Variants in TEX15 observed in about 807,000 individuals in gnomAD.
TEX15 encodes the protein testis-expressed protein 15.
A neutral mutation model predicts 237.3 loss-of-function variants in TEX15; 171 were observed. That is an observed-to-expected ratio of 0.72 (90% CI 0.64 to 0.82). The LOEUF (loss-of-function observed/expected upper bound fraction) is 0.82, where lower values mean the gene tolerates loss of function less well. Among genes scored for constraint, TEX15 ranks in the 40% least tolerant of loss-of-function variants. TEX15 has a pLI of 0.00. For missense variants in TEX15, 3,750 were observed against 3,646.5 expected, an observed-to-expected ratio of 1.03 and a Z score of -0.73; for synonymous variants, 1,338 against 1,269.8, an observed-to-expected ratio of 1.05 and a Z score of -1.14.
intron 7 of TEX15, among the ~76,000 whole-genome samples, chr8:30,852,729 A>C (rs1230664887): frequency 6.6e-6 from 1 of 152,130 alleles, no homozygotes; most frequent in Non-Finnish European, 1.5e-5. Flanking sequence ...AGTAAGAAAA[A>C]ACCCCCAACA....
Position 30,849,150 on chromosome 8 carries a change from A to C in TEX15, c.1017T>G (p.Ile339Met). The change falls in exon 8 of 11, where the codon ATT (isoleucine) becomes ATG (methionine). Residue 339 changes from isoleucine (I) to methionine (M), a missense_variant. Coordinates refer to ENST00000643185, the MANE Select transcript of TEX15 (RefSeq NM_001350162.2). ...TTTGTACATTTCCATAGGAGTTAGA[A>C]ATATTTGAGATGAAAGGATTTATCT... ...NSEINPFISN[I>M]SNSYGNVQNG... 1 of 1,564,300 alleles carries C rather than the reference A, an allele frequency of 6.4e-7. No homozygotes were observed. The highest frequency in any genetic ancestry group is 1.2e-5 in the South Asian group (1 of 86,910).
intron 9 of TEX15, among the ~76,000 whole-genome samples, chr8:30,838,262 T>C (rs1236029537): frequency 6.6e-6 from 1 of 152,198 alleles, no homozygotes; most frequent in African/African-American, 2.4e-5. Flanking sequence ...CTACTGAAGA[T>C]GATATGCTCT....
chr8:30,858,535 T>G, intron 7 of TEX15, 133 bp downstream of exon 7: 1 of 713,334 alleles, frequency 1.4e-6, no homozygotes, highest in Non-Finnish European at 2.1e-6. Context: ...TGGCCTCAAG[T>G]AATCCGCCCA....
chr8:30,837,104 T>C lies in TEX15; in HGVS notation c.9180A>G (p.Thr3060=), dbSNP rs767322016. 1.9e-6 allele frequency: 3 copies of C among 1,614,134 alleles called. No homozygotes were observed. Among genetic ancestry groups the C allele is most frequent in the Non-Finnish European group, 1.7e-6 (2 of 1,180,020 alleles). ...CTTCATATGATGTTATCCCTTGGTATGTCTGGGTAATGGCATTGCCATTGC... is the reference window on the plus strand; with the variant it reads ...CTTCATATGATGTTATCCCTTGGTACGTCTGGGTAATGGCATTGCCATTGC... ...SNSNGNAITQ[T]YQGITSYEVQ... The change falls in exon 10 of 11, where the codon ACA becomes ACG. Residue 3060 remains threonine (T), a synonymous_variant. Coordinates refer to ENST00000643185, the MANE Select transcript of TEX15 (RefSeq NM_001350162.2).
intron 3 of TEX15, among the ~76,000 whole-genome samples, chr8:30,880,627 CCTTA>C (rs1465972478): frequency 3.9e-5 from 6 of 152,212 alleles, no homozygotes; most frequent in African/African-American, 7.2e-5. Flanking sequence ...ATTTTCTCTA[CCTTA>C]CTTACTGTAA....
At chr8:30,850,633 TGGA>T (rs1425938846) in intron 7 of TEX15, among the ~76,000 whole-genome samples, 1 of 151,978 alleles carries the variant, frequency 6.6e-6, no homozygotes, top group Non-Finnish European at 1.5e-5. Flanking sequence ...GGGAGTATAA[TGGA>T]GAAGAAAATG....
intron 1 of TEX15, among the ~76,000 whole-genome samples, chr8:30,912,068 C>A (rs1428154354): frequency 6.6e-6 from 1 of 152,238 alleles, no homozygotes; most frequent in South Asian, 2.1e-4. Flanking sequence ...GCGCGCCAGT[C>A]CTCCTGCAGT....
chr8:30,864,085 T>A (rs1270006403), intron 5 of TEX15, among the ~76,000 whole-genome samples: 1 of 151,904 alleles, frequency 6.6e-6, no homozygotes, highest in Non-Finnish European at 1.5e-5. Flanking sequence ...AAAAACAATG[T>A]ATGAACAAAA....
chr8:30,869,082 A>C (rs1378760514), intron 4 of TEX15, among the ~76,000 whole-genome samples: 8 of 151,974 alleles, frequency 5.3e-5, no homozygotes, highest in African/African-American at 1.9e-4. Context: ...TATTTGAAAA[A>C]AAAATGGGCC....
chr8:30,885,925 T>C (rs1585308558), intron 3 of TEX15, among the ~76,000 whole-genome samples: 1 of 152,360 alleles, frequency 6.6e-6, no homozygotes, highest in East Asian at 1.9e-4. Flanking sequence ...TTATTACATA[T>C]TTCATTTCTT....
At chr8:30,860,382 G>A (rs1808020555) in intron 5 of TEX15, among the ~76,000 whole-genome samples, 1 of 151,736 alleles carries the variant, frequency 6.6e-6, no homozygotes, top group East Asian at 1.9e-4. Context: ...AAAGCACTGG[G>A]ATTATAGGCA....
At position 30,848,109 on chromosome 8, in the gene TEX15, T is replaced by G. The variant is rs924752043; in HGVS notation, c.2058A>C (p.Gln686His). The stretch of plus-strand genomic sequence containing the variant: ...TAGAAGATTTTGTTATTTCTAACTC[T>G]TGAGTAATTAATATTTTATCACAGC... The part of the protein sequence containing the change: ...GKSCDKILIT[Q>H]ELEITKSSTS... The change falls in exon 8 of 11, where the codon CAA becomes CAC. Residue 686 changes from glutamine (Q) to histidine (H), a missense_variant. By Grantham distance (24) the Gln-to-His change is conservative. Transcript: ENST00000643185. 6 of 1,609,892 alleles carry G rather than the reference T, an allele frequency of 3.7e-6. No homozygotes were observed. Among genetic ancestry groups the G allele is most frequent in the Middle Eastern group, 1.6e-4 (1 of 6,068 alleles).
chr8:30,871,383 T>C (rs1185517327), intron 4 of TEX15, among the ~76,000 whole-genome samples: 1 of 152,000 alleles, frequency 6.6e-6, no homozygotes, highest in African/African-American at 2.4e-5. Context: ...GCTTTATCTT[T>C]ATCCACATCC....
Position 30,844,319 on chromosome 8 carries a change from G to A in TEX15, c.5848C>T (p.Pro1950Ser). The change falls in exon 8 of 11, where the codon CCA (proline) becomes TCA (serine). Residue 1950 changes from proline to serine, a missense_variant. Coordinates refer to ENST00000643185, the MANE Select transcript of TEX15 (RefSeq NM_001350162.2). Reference sequence around the variant, plus strand: ...GTATGATTAACTCCTAGAATTCCTGGTTTGGAAATATAGGCTATTTCTGAA... The same window carrying A: ...GTATGATTAACTCCTAGAATTCCTGATTTGGAAATATAGGCTATTTCTGAA... ...LHSEIAYISK[P>S]GILGVNHTPI... 6.2e-7 allele frequency: 1 copy of A among 1,613,240 alleles called. No individual in the cohort carries two copies. The highest frequency in any genetic ancestry group is 8.5e-7 in the Non-Finnish European group (1 of 1,179,520).
chr8:30,882,628 ATGT>A (rs1183797716), intron 3 of TEX15, among the ~76,000 whole-genome samples: 1 of 151,942 alleles, frequency 6.6e-6, no homozygotes, highest in Non-Finnish European at 1.5e-5. Flanking sequence ...ATGGCCCAAG[ATGT>A]TGTCTGTTTT....
At chr8:30,876,795 T>C (rs973271196) in intron 3 of TEX15, among the ~76,000 whole-genome samples, 7 of 152,198 alleles carry the variant, frequency 4.6e-5, no homozygotes, top group African/African-American at 7.2e-5. Context: ...GCTGTGTCCC[T>C]ACCCAGATCT....
At chr8:30,887,110 G>T in intron 3 of TEX15, 57 bp downstream of exon 3, 2 of 1,401,376 alleles carry the variant, frequency 1.4e-6, no homozygotes, top group Non-Finnish European at 9.5e-7. Flanking sequence ...CATAAACTAA[G>T]AATCAGAGAA....
At position 30,843,001 on chromosome 8, in the gene TEX15, T is replaced by G. The variant is rs1481816944; in HGVS notation, c.7166A>C (p.Asp2389Ala). The change falls in exon 8 of 11, where the codon GAT becomes GCT. Residue 2389 changes from aspartate to alanine, a missense_variant. Physicochemically the swap from Asp to Ala is moderately radical, Grantham distance 126 (BLOSUM62 -2). Coordinates refer to ENST00000643185, the MANE Select transcript of TEX15 (RefSeq NM_001350162.2). ...AEFADLKKLQDLTLRCTDHLE... is the reference protein window; with the variant it reads ...AEFADLKKLQALTLRCTDHLE... ...GTGATCTGTACATCTCAAGGTGAGA[T>G]CCTGTAATTTTTTAAGGTCTGCAAA... 1.9e-6 allele frequency: 3 copies of G among 1,613,354 alleles called. No homozygotes were observed. The highest frequency in any genetic ancestry group is 2.5e-6 in the Non-Finnish European group (3 of 1,179,750).
At chr8:30,870,887 T>C (rs1158390345) in intron 4 of TEX15, among the ~76,000 whole-genome samples, 1 of 152,100 alleles carries the variant, frequency 6.6e-6, no homozygotes, top group Non-Finnish European at 1.5e-5. Flanking sequence ...CAAGGTGTCA[T>C]CTGTCTGGAT....
Sources: gnomAD v4.1 joint callset for allele counts (sites outside exome capture counted in the v4.1 genomes callset) on GRCh38, gnomAD v4.1.1 for gene constraint, MANE v1.5 for transcripts, NCBI Gene and HGNC (gene_info 2026-07-23, HGNC 2026-07-21) for gene names.